The following PCDH15 variants were observed in gnomAD, a reference collection of about 807,000 sequenced individuals.
PCDH15 encodes the protein protocadherin related 15, also known as protocadherin-15.
A neutral mutation model predicts 178.5 loss-of-function variants in PCDH15; 129 were observed. That is an observed-to-expected ratio of 0.72 (90% CI 0.63 to 0.84). PCDH15 has a LOEUF of 0.84. Ranked by LOEUF, PCDH15 falls within the 40% of genes least tolerant of loss-of-function variation. PCDH15 has a pLI of 0.00. For synonymous variants in PCDH15, 800 were observed against 732.0 expected (o/e 1.09, Z -1.50); for missense variants, 2,230 against 2,099.9 (o/e 1.06, Z -1.21).
chr10:54,622,391 A>G (rs2093380333), intron 2 of PCDH15, among the ~76,000 whole-genome samples: 1 of 150,130 alleles, frequency 6.7e-6, no homozygotes, highest in Non-Finnish European at 1.5e-5. Context: ...GATAAATACA[A>G]TAATTGGTGA....
At chr10:54,393,002 T>A (rs183377527) in intron 3 of PCDH15, among the ~76,000 whole-genome samples, 1 of 152,046 alleles carries the variant, frequency 6.6e-6, no homozygotes, top group Non-Finnish European at 1.5e-5. Context: ...ATCACTGATA[T>A]GTGATTAAAA....
At chr10:54,591,240 A>G (rs2091871769) in intron 2 of PCDH15, among the ~76,000 whole-genome samples, 1 of 152,164 alleles carries the variant, frequency 6.6e-6, no homozygotes, top group Non-Finnish European at 1.5e-5. Flanking sequence ...GTTTAAAGTT[A>G]AGAACCTCCA....
chr10:54,999,101 G>C (rs1465501420), intron 2 of PCDH15, among the ~76,000 whole-genome samples: 1 of 151,578 alleles, frequency 6.6e-6, no homozygotes, highest in Non-Finnish European at 1.5e-5. Context: ...GCTCATATTT[G>C]ACTCCTTGAA....
Position 53,849,870 on chromosome 10 carries a change from A to G in PCDH15, c.3806+7305T>C, listed in dbSNP as rs1372829084. Among the ~76,000 whole-genome samples, 11 of 150,396 alleles carry G rather than the reference A, an allele frequency of 7.3e-5. No homozygotes were observed. The East Asian group carries it at 2.2e-3, about 29-fold the overall frequency. On this transcript the variant is annotated intron_variant, in intron 28 of 37. Coordinates refer to ENST00000644397, the MANE Select transcript of PCDH15 (RefSeq NM_001384140.1). ...AGGAAGGCTCCGTCTCAAAAAAAAAAAAAAAAAAAAAAAGAAAGAAAGAAA... is the reference window on the plus strand; with the variant it reads ...AGGAAGGCTCCGTCTCAAAAAAAAAGAAAAAAAAAAAAAGAAAGAAAGAAA...
intron 1 of PCDH15, among the ~76,000 whole-genome samples, chr10:54,777,488 G>A (rs1383490197): frequency 6.6e-6 from 1 of 152,138 alleles, no homozygotes; most frequent in Non-Finnish European, 1.5e-5. Context: ...GGTTAGAGGA[G>A]GATTTCAAGG....
intron 16 of PCDH15, among the ~76,000 whole-genome samples, chr10:54,086,291 C>G (rs995333773): frequency 6.6e-6 from 1 of 152,032 alleles, no homozygotes; most frequent in African/African-American, 2.4e-5. Flanking sequence ...TTTTTTACAA[C>G]CATTTGTTGT....
chr10:55,122,886 C>T (rs1837804589), intron 2 of PCDH15, among the ~76,000 whole-genome samples: 1 of 151,944 alleles, frequency 6.6e-6, no homozygotes, highest in Non-Finnish European at 1.5e-5. Flanking sequence ...AAGCAATACA[C>T]AGAAAGGAAC....
chr10:54,263,536 T>A (rs2057472155), intron 8 of PCDH15, among the ~76,000 whole-genome samples: 1 of 152,190 alleles, frequency 6.6e-6, no homozygotes, highest in South Asian at 2.1e-4. Flanking sequence ...TACTCTTAAA[T>A]CTGTCTACCA....
At chr10:55,436,011 G>A (rs10825511) in intron 2 of PCDH15, among the ~76,000 whole-genome samples, 117,000 of 152,096 alleles carry the variant, frequency 0.77, 46,300 homozygotes, top group East Asian at 1. Flanking sequence ...ATAAAAGTTC[G>A]TCATTTTTTA....
At chr10:55,592,659 A>C (rs1177932912) in intron 2 of PCDH15, among the ~76,000 whole-genome samples, 1 of 152,098 alleles carries the variant, frequency 6.6e-6, no homozygotes, top group Non-Finnish European at 1.5e-5. Flanking sequence ...GCACACCTAA[A>C]ATATCTAGAA....
intron 2 of PCDH15, among the ~76,000 whole-genome samples, chr10:55,485,639 G>T (rs61851176): frequency 0.012 from 1,749 of 151,570 alleles, 21 homozygotes; most frequent in Non-Finnish European, 0.017. Flanking sequence ...AAATCCCACT[G>T]CTGTATATAT....
chr10:55,103,135 AT>A (rs991210793), intron 2 of PCDH15, among the ~76,000 whole-genome samples: 1 of 134,432 alleles, frequency 7.4e-6, no homozygotes, highest in African/African-American at 2.9e-5. Context: ...TTGCTTTTCC[AT>A]TTCTCTAAAA....
chr10:54,249,960 C>A (rs1480205596), intron 8 of PCDH15, among the ~76,000 whole-genome samples: 3 of 151,976 alleles, frequency 2.0e-5, no homozygotes, highest in African/African-American at 4.8e-5. Flanking sequence ...GGCTCAGTTA[C>A]CCAGGCTTGA....
At chr10:55,390,485 C>G (rs1837766090) in intron 2 of PCDH15, among the ~76,000 whole-genome samples, 1 of 152,128 alleles carries the variant, frequency 6.6e-6, no homozygotes, top group Non-Finnish European at 1.5e-5. Context: ...AACAGTTGAA[C>G]TTCTTTCAAA....
At chr10:54,542,783 G>A (rs11004365) in intron 2 of PCDH15, among the ~76,000 whole-genome samples, 18,127 of 152,062 alleles carry the variant, frequency 0.12, 1,353 homozygotes, top group East Asian at 0.36. Flanking sequence ...GGAGAAGGGC[G>A]TGGTCCCTGG....
chr10:54,329,773 TG>T (rs1939054643), intron 6 of PCDH15, 67 bp from the exon 7 acceptor site: 1 of 1,063,178 alleles, frequency 9.4e-7, no homozygotes, highest in African/African-American at 1.6e-5. Flanking sequence ...CTCAATATTT[TG>T]GATTAATCCT....
At chr10:55,616,385 CTGTT>C (rs1213000559) in intron 2 of PCDH15, among the ~76,000 whole-genome samples, 1 of 152,048 alleles carries the variant, frequency 6.6e-6, no homozygotes, top group African/African-American at 2.4e-5. Flanking sequence ...AAAAAGTAGT[CTGTT>C]TTATTTAAAT....
intron 3 of PCDH15, among the ~76,000 whole-genome samples, chr10:54,416,350 C>A (rs1384874831): frequency 1.3e-5 from 2 of 151,982 alleles, no homozygotes; most frequent in African/African-American, 2.4e-5. Flanking sequence ...TGTTCAACCC[C>A]CACTTATGAG....
intron 2 of PCDH15, among the ~76,000 whole-genome samples, chr10:55,472,848 G>A (rs952341872): frequency 6.6e-6 from 1 of 152,286 alleles, no homozygotes; most frequent in Middle Eastern, 3.4e-3. Context: ...GATTACAGGC[G>A]TGAGCCACGA....
Sources: allele counts gnomAD v4.1 joint callset (sites outside exome capture counted in the v4.1 genomes callset), GRCh38; gene constraint gnomAD v4.1.1; transcripts MANE v1.5; gene names NCBI Gene and HGNC (gene_info 2026-07-23, HGNC 2026-07-21).